Variants in SELENOI observed in about 807,000 individuals in gnomAD.
SELENOI encodes the protein selenoprotein I.
A neutral mutation model predicts 50.7 loss-of-function variants in SELENOI; 24 were observed. That is an observed-to-expected ratio of 0.47 (90% CI 0.34 to 0.67). SELENOI has a LOEUF of 0.67. SELENOI is among the 30% of genes least tolerant of loss of function. The pLI is 0.01. For synonymous variants in SELENOI, 155 were observed against 170.2 expected (o/e 0.91, Z 0.70); for missense variants, 352 against 461.4 (o/e 0.76, Z 2.17).
At chr2:26,347,101 ACT>A (rs1164436037) in intron 1 of SELENOI, among the ~76,000 whole-genome samples, 5 of 151,908 alleles carry the variant, frequency 3.3e-5, no homozygotes, top group African/African-American at 9.7e-5. Flanking sequence ...CCAATGAATG[ACT>A]CTAACCATCC....
intron 1 of SELENOI, among the ~76,000 whole-genome samples, chr2:26,360,400 G>T (rs17601393): frequency 0.05 from 7,577 of 152,256 alleles, 264 homozygotes; most frequent in Middle Eastern, 0.092. Flanking sequence ...TGGCCTCCTT[G>T]TGTCAAACTT....
intron 4 of SELENOI, among the ~76,000 whole-genome samples, chr2:26,371,581 G>A (rs1677448042): frequency 6.6e-6 from 1 of 152,376 alleles, no homozygotes; most frequent in South Asian, 2.1e-4. Context: ...ATTGAGCACT[G>A]AGTGAACCAG....
chr2:26,365,963 A>G (rs1291648453), intron 3 of SELENOI, among the ~76,000 whole-genome samples: 1 of 152,034 alleles, frequency 6.6e-6, no homozygotes, highest in South Asian at 2.1e-4. Context: ...TTCCATGCCC[A>G]GCTAATTTTT....
intron 2 of SELENOI, 129 bp downstream of exon 2, chr2:26,364,499 A>G: frequency 6.3e-6 from 4 of 632,602 alleles, no homozygotes; most frequent in South Asian, 6.2e-5. Flanking sequence ...TTCCCCAATC[A>G]CAATACCCCA....
intron 6 of SELENOI, among the ~76,000 whole-genome samples, chr2:26,380,449 A>G (rs188082056): frequency 1.3e-5 from 2 of 152,282 alleles, no homozygotes; most frequent in East Asian, 3.9e-4. Flanking sequence ...ACAGTGGTCT[A>G]TAAGGAGCCT....
At chr2:26,361,548 T>C (rs1365931005) in intron 1 of SELENOI, among the ~76,000 whole-genome samples, 2 of 152,228 alleles carry the variant, frequency 1.3e-5, no homozygotes, top group Non-Finnish European at 2.9e-5. Context: ...CTTGGTTAAG[T>C]AGGTGACTGC....
chr2:26,367,582 G>C (rs1296827108), intron 4 of SELENOI, among the ~76,000 whole-genome samples: 4 of 152,188 alleles, frequency 2.6e-5, no homozygotes, highest in African/African-American at 9.6e-5. Context: ...AAGACTGTAT[G>C]GCCTGCAAAG....
In SELENOI at chr2:26,373,592, T is replaced by C. The variant is rs868737459; in HGVS notation, c.536T>C (p.Ile179Thr). The change falls in exon 5 of 10, where the codon ATT (isoleucine) becomes ACT (threonine). Residue 179 changes from isoleucine to threonine, a missense_variant. Coordinates refer to ENST00000260585, the MANE Select transcript of SELENOI (RefSeq NM_033505.4). ...CACTGGGAAAAGTATAACACAGGGA[T>C]TCTTTTCCTGCCATGGGGATATGAC... Reference protein sequence around the residue: ...LSHWEKYNTGILFLPWGYDIS... With the variant: ...LSHWEKYNTGTLFLPWGYDIS... The C allele has an allele frequency of 6.2e-7, 1 of 1,614,002 alleles. No homozygotes were observed. Among genetic ancestry groups the C allele is most frequent in the African/African-American group, 1.3e-5 (1 of 75,056 alleles).
chr2:26,388,941 T>G, intron 9 of SELENOI, 64 bp from the exon 10 acceptor site: 1 of 1,265,868 alleles, frequency 7.9e-7, no homozygotes, highest in Non-Finnish European at 1.1e-6. Context: ...GGGTAAATTC[T>G]GTGTGCTTTT....
chr2:26,361,657 CTTT>C (rs756091085), intron 1 of SELENOI, among the ~76,000 whole-genome samples: 2 of 143,124 alleles, frequency 1.4e-5, no homozygotes. Context: ...ATCATCATTT[CTTT>C]TTTTTTTTTT....
chr2:26,386,562 T>C, intron 9 of SELENOI, 26 bp downstream of exon 9: 1 of 1,528,508 alleles, frequency 6.5e-7, no homozygotes, highest in Non-Finnish European at 8.8e-7. Flanking sequence ...CAAAATGGGT[T>C]CAATTTGGGG....
At chr2:26,354,356 C>T (rs986095407) in intron 1 of SELENOI, among the ~76,000 whole-genome samples, 11 of 152,054 alleles carry the variant, frequency 7.2e-5, no homozygotes, top group African/African-American at 2.2e-4. Context: ...TAAACTCTGC[C>T]TTGTAGGTAC....
At chr2:26,372,320 A>G (rs1677474962) in intron 4 of SELENOI, among the ~76,000 whole-genome samples, 1 of 152,206 alleles carries the variant, frequency 6.6e-6, no homozygotes, top group East Asian at 1.9e-4. Flanking sequence ...CATGTTGGCC[A>G]GGCTGGTCTT....
chr2:26,357,923 T>C (rs546550775), intron 1 of SELENOI, among the ~76,000 whole-genome samples: 1 of 152,296 alleles, frequency 6.6e-6, no homozygotes, highest in East Asian at 1.9e-4. Flanking sequence ...TCCTCCATAC[T>C]GTTTTTGTGG....
Position 26,386,455 on chromosome 2 carries a change from A to G in SELENOI, c.1014A>G (p.Val338=), listed in dbSNP as rs753494062. Residue 338 remains valine, a synonymous_variant, in exon 9 of 10, where the codon GTA becomes GTG. Coordinates refer to ENST00000260585, the MANE Select transcript of SELENOI (RefSeq NM_033505.4). ...TTGTCTTAGTGGTAAACCTAGGAGT[A>G]GCCTCTTACGTTGAGAGCATTCTCC... The part of the protein sequence containing the change: ...FLVVLVVNLG[V]ASYVESILLY... 1.2e-6 allele frequency: 2 copies of G among 1,613,902 alleles called. No individual in the cohort carries two copies. Among genetic ancestry groups the G allele is most frequent in the Middle Eastern group, 1.6e-4 (1 of 6,062 alleles).
Position 26,375,021 on chromosome 2 carries a change from G to A in SELENOI, c.574-19G>A. 2.6e-6 allele frequency: 4 copies of A among 1,539,644 alleles called. No homozygotes were observed. Among genetic ancestry groups the A allele is most frequent in the Non-Finnish European group, 3.6e-6 (4 of 1,114,110 alleles). On this transcript the variant is annotated intron_variant, in intron 5 of 9. Transcript: ENST00000260585. ...AGCGTTAATGCTTCTGTATGCTTTT[G>A]TCTGCATTTTCCTTCCAGACTATTT...
chr2:26,353,842 CT>C (rs1197690719), intron 1 of SELENOI, among the ~76,000 whole-genome samples: 1 of 152,148 alleles, frequency 6.6e-6, no homozygotes, highest in African/African-American at 2.4e-5. Flanking sequence ...GTTTCTCTAA[CT>C]GCTGTAGTGC....
chr2:26,389,031 G>C lies in SELENOI; in HGVS notation c.1122G>C (p.Gln374His). Reference protein sequence around the residue: ...RVVKQLSSHFQIYPFSLRKPN... With the variant: ...RVVKQLSSHFHIYPFSLRKPN... Reference sequence around the variant, plus strand: ...TAAAGCAGCTGAGCAGCCATTTTCAGATTTACCCCTTCTCATTGAGGAAAC... The same window carrying C: ...TAAAGCAGCTGAGCAGCCATTTTCACATTTACCCCTTCTCATTGAGGAAAC... The change falls in exon 10 of 10, where the codon CAG (glutamine) becomes CAC (histidine). Residue 374 changes from glutamine to histidine, a missense_variant. Physicochemically the swap from Gln to His is conservative, Grantham distance 24. Coordinates refer to ENST00000260585, the MANE Select transcript of SELENOI (RefSeq NM_033505.4). 1 of 1,589,838 alleles carries C rather than the reference G, an allele frequency of 6.3e-7. No individual in the cohort carries two copies. Among genetic ancestry groups the C allele is most frequent in the Non-Finnish European group, 8.6e-7 (1 of 1,166,786 alleles).
At chr2:26,364,668 AAG>A (rs1273260899) in intron 2 of SELENOI, among the ~76,000 whole-genome samples, 162 bp from the exon 3 acceptor site, 58 of 152,212 alleles carry the variant, frequency 3.8e-4, no homozygotes, top group African/African-American at 1.4e-3. Flanking sequence ...GGATGGAAGA[AAG>A]AATGCTGATG....
Sources: gnomAD v4.1 joint callset for allele counts (sites outside exome capture counted in the v4.1 genomes callset) on GRCh38, gnomAD v4.1.1 for gene constraint, MANE v1.5 for transcripts, NCBI Gene and HGNC (gene_info 2026-07-23, HGNC 2026-07-21) for gene names.